The following MAGI1 variants were observed in gnomAD, a reference collection of about 807,000 sequenced individuals.
MAGI1 encodes membrane-associated guanylate kinase, WW and PDZ domain-containing protein 1.
Under a neutral mutation model 139.9 loss-of-function variants are expected in MAGI1, and 58 were observed. That is an observed-to-expected ratio of 0.41 (90% CI 0.34 to 0.52). MAGI1 has a LOEUF of 0.52. Among genes scored for constraint, MAGI1 ranks in the 20% least tolerant of loss-of-function variants. MAGI1 has a pLI of 0.12. For synonymous variants in MAGI1, 812 were observed against 737.9 expected (o/e 1.10, Z -1.63); for missense variants, 1,874 against 1,901.6 (o/e 0.99, Z 0.27).
chr3:65,463,251 C>T (rs1437318931), intron 5 of MAGI1, among the ~76,000 whole-genome samples: 1 of 152,132 alleles, frequency 6.6e-6, no homozygotes, highest in Non-Finnish European at 1.5e-5. Flanking sequence ...TCATAAATAG[C>T]TCTTCTCATT....
At position 65,478,732 on chromosome 3, in the gene MAGI1, G is replaced by A. The variant is rs747901875; in HGVS notation, c.617C>T (p.Ala206Val). The A allele has an allele frequency of 6.2e-7, 1 of 1,614,094 alleles. No homozygotes were observed. Among genetic ancestry groups the A allele is most frequent in the Non-Finnish European group, 8.5e-7 (1 of 1,180,008 alleles). ...PVSGKVITTD[A>V]LHSLQSGSKQ... ...AGAGCCAGACTGAAGGCTGTGCAAG[G>A]CATCCGTCGTGATCACTTTCCCACT... The change falls in exon 4 of 23, where the codon GCC (alanine) becomes GTC (valine). Residue 206 changes from alanine to valine, a missense_variant. Physicochemically the swap from Ala to Val is moderately conservative, Grantham distance 64 (BLOSUM62 0). This residue lies in a region of MAGI1 where 648 missense variants were observed against 598.1 expected (regional missense o/e 1.08). Transcript: ENST00000402939.
chr3:65,789,675 C>T (rs780564310), intron 1 of MAGI1, among the ~76,000 whole-genome samples: 5 of 152,258 alleles, frequency 3.3e-5, no homozygotes, highest in South Asian at 4.1e-4. Flanking sequence ...AACCGAAGCA[C>T]GTAAAGTGGC....
intron 1 of MAGI1, among the ~76,000 whole-genome samples, chr3:65,850,873 G>A (rs1286321055): frequency 5.3e-5 from 8 of 152,172 alleles, no homozygotes; most frequent in Admixed American, 2.6e-4. Flanking sequence ...TTGGGAGGCC[G>A]AGGCGGGCGG....
intron 6 of MAGI1, among the ~76,000 whole-genome samples, chr3:65,452,421 T>C (rs1239676889): frequency 6.6e-6 from 1 of 152,306 alleles, no homozygotes; most frequent in South Asian, 2.1e-4. Context: ...ACATATTTAA[T>C]AATTATACTA....
chr3:65,558,822 C>G (rs553960137), intron 2 of MAGI1, among the ~76,000 whole-genome samples: 1 of 152,304 alleles, frequency 6.6e-6, no homozygotes, highest in African/African-American at 2.4e-5. Flanking sequence ...GACATAAAAG[C>G]TCATATGTCA....
chr3:65,976,795 TGAA>T (rs550805077), intron 1 of MAGI1, among the ~76,000 whole-genome samples: 67 of 152,306 alleles, frequency 4.4e-4, no homozygotes, highest in Middle Eastern at 3.4e-3. Context: ...AGGTAAACCA[TGAA>T]GAAGACTTAG....
chr3:65,584,334 A>G (rs931413101), intron 2 of MAGI1, among the ~76,000 whole-genome samples: 1 of 152,148 alleles, frequency 6.6e-6, no homozygotes, highest in Admixed American at 6.5e-5. Context: ...AGGAACCCAG[A>G]TGCTATATCT....
At chr3:65,376,530 A>C (rs1179589462) in intron 17 of MAGI1, among the ~76,000 whole-genome samples, 1 of 152,220 alleles carries the variant, frequency 6.6e-6, no homozygotes, top group Non-Finnish European at 1.5e-5. Flanking sequence ...CCCCAGAATG[A>C]TGAAAGCTTT....
intron 1 of MAGI1, among the ~76,000 whole-genome samples, chr3:65,989,418 G>A (rs2066047358): frequency 6.6e-6 from 1 of 152,164 alleles, no homozygotes; most frequent in Non-Finnish European, 1.5e-5. Flanking sequence ...CTTCCCACAT[G>A]AGTCTAATGT....
At chr3:65,585,377 A>G (rs2081624095) in intron 2 of MAGI1, among the ~76,000 whole-genome samples, 1 of 152,254 alleles carries the variant, frequency 6.6e-6, no homozygotes, top group Non-Finnish European at 1.5e-5. Context: ...ACACTTCACA[A>G]AAGAAAATAT....
In MAGI1 at chr3:65,622,006, G is replaced by A; in HGVS notation, c.396C>T (p.Thr132=). The change falls in exon 2 of 23, where the codon ACC becomes ACT. Residue 132 remains threonine, a synonymous_variant. Coordinates refer to ENST00000402939, the MANE Select transcript of MAGI1 (RefSeq NM_001033057.2). ...CATGGCGGTAAAGGTTATCCCTTAT[G>A]GTCTGCTGGAGCTCATGATCAGGAG... ...KGSPDHELQQ[T]IRDNLYRHAV... The A allele has an allele frequency of 6.2e-7, 1 of 1,613,608 alleles. No individual in the cohort carries two copies. Among genetic ancestry groups the A allele is most frequent in the Non-Finnish European group, 8.5e-7 (1 of 1,179,748 alleles).
At chr3:65,737,793 C>T (rs1473034653) in intron 1 of MAGI1, among the ~76,000 whole-genome samples, 1 of 152,070 alleles carries the variant, frequency 6.6e-6, no homozygotes, top group African/African-American at 2.4e-5. Context: ...ATTACTCTAC[C>T]CACATATGGC....
chr3:65,812,460 T>TCACACACA (rs1241847173), intron 1 of MAGI1, among the ~76,000 whole-genome samples: 52 of 99,276 alleles, frequency 5.2e-4, no homozygotes, highest in African/African-American at 1.7e-3. Flanking sequence ...TCTCTCTCTC[T>TCACACACA]CTCTCTCTCA....
At chr3:65,562,698 G>A (rs1391566449) in intron 2 of MAGI1, among the ~76,000 whole-genome samples, 1 of 152,090 alleles carries the variant, frequency 6.6e-6, no homozygotes, top group Admixed American at 6.6e-5. Context: ...ACTTCCTTTT[G>A]TAATAATTAA....
rs567630698 is a variant in MAGI1, at chr3:65,995,368, C to T, written c.313+42628G>A. On this transcript the variant is annotated intron_variant, in intron 1 of 22. Coordinates refer to ENST00000402939, the MANE Select transcript of MAGI1 (RefSeq NM_001033057.2). ...TCATTAGTAGGTGAGTGGCTCACAC[C>T]GTCCCAATGCAGGAGAGCCAAGAAA... Among the ~76,000 whole-genome samples, 225 of 152,242 alleles carry T rather than the reference C, an allele frequency of 1.5e-3. 5 individuals are homozygous for T. Among genetic ancestry groups the T allele is most frequent in the South Asian group, 3.5e-3 (17 of 4,824 alleles).
chr3:65,730,916 T>G (rs1322893446), intron 1 of MAGI1, among the ~76,000 whole-genome samples: 2 of 152,066 alleles, frequency 1.3e-5, no homozygotes, highest in South Asian at 2.1e-4. Flanking sequence ...TTTTGTTTTT[T>G]TTTTTCTTTT....
intron 1 of MAGI1, among the ~76,000 whole-genome samples, chr3:65,869,363 G>GC (rs1559961094): frequency 7.7e-6 from 1 of 129,304 alleles, no homozygotes; most frequent in African/African-American, 3.1e-5. Context: ...GGCAAGACTG[G>GC]TTTTTTGTTG....
rs371653164 is a variant in MAGI1, at chr3:65,775,430, C to A, written c.314-153342G>T. Among the ~76,000 whole-genome samples, 21 of 122,400 alleles carry A rather than the reference C, an allele frequency of 1.7e-4. No homozygotes were observed. The East Asian group carries it at 5.5e-3, about 32-fold the overall frequency. The allele number at this position is 122,400 out of a possible 152,430, so 80.3% of individuals were successfully genotyped here. A position where few individuals can be genotyped will look rare whatever the true frequency, so the allele number is the denominator to read the frequency against. ...TGCCATTGCACTCCAGCCTGGGCAA[C>A]AGAGTGAGACCTTCTCTGGAAAAAA... On this transcript the variant is annotated intron_variant, in intron 1 of 22. Transcript: ENST00000402939.
At chr3:65,568,103 A>G (rs2080758352) in intron 2 of MAGI1, among the ~76,000 whole-genome samples, 1 of 152,156 alleles carries the variant, frequency 6.6e-6, no homozygotes, top group Admixed American at 6.5e-5. Flanking sequence ...AACCAGAGGC[A>G]CTTAACGTGG....
Sources: gnomAD v4.1 joint callset for allele counts (sites outside exome capture counted in the v4.1 genomes callset) on GRCh38, gnomAD v4.1.1 for gene constraint, gnomAD v4.1.1 regional missense constraint, MANE v1.5 for transcripts, NCBI Gene and HGNC (gene_info 2026-07-23, HGNC 2026-07-21) for gene names.